KCNIP1: variants seen among roughly 807,000 people sequenced by gnomAD.
The protein encoded by KCNIP1 is potassium voltage-gated channel interacting protein 1, also known as A-type potassium channel modulatory protein KCNIP1.
KCNIP1 carries 18 observed loss-of-function variants against 33.0 expected under a neutral mutation model. The observed-to-expected ratio is 0.55, with a 90% confidence interval of 0.38 to 0.81. The LOEUF (loss-of-function observed/expected upper bound fraction) is 0.81, where lower values mean the gene tolerates loss of function less well. KCNIP1 is among the 30% of genes least tolerant of loss of function. The pLI is 0.00. For synonymous variants in KCNIP1, 93 were observed against 98.3 expected, an observed-to-expected ratio of 0.95 and a Z score of 0.32; for missense variants, 238 against 271.6, an observed-to-expected ratio of 0.88 and a Z score of 0.87.
intron 1 of KCNIP1, among the ~76,000 whole-genome samples, chr5:170,390,517 A>AAAAAAAAAAATATAT: frequency 6.7e-5 from 5 of 74,544 alleles, no homozygotes; most frequent in African/African-American, 3.2e-4. Flanking sequence ...AAAAAAAACA[A>AAAAAAAAAAATATAT]ATATATATAT....
intron 1 of KCNIP1, among the ~76,000 whole-genome samples, chr5:170,602,657 T>C (rs58112601): frequency 0.32 from 48,274 of 151,950 alleles, 8,692 homozygotes; most frequent in Non-Finnish European, 0.42. Context: ...GTGGCTTCCA[T>C]GAACCTAGGA....
Position 170,722,835 on chromosome 5 carries a change from G to T in KCNIP1, c.435+15G>T. ...TAAACAAAGAGGTAAGTGAGCTGGGGCCAGGGGTGTGAGAGGGCTCCAGTG... is the reference window on the plus strand; with the variant it reads ...TAAACAAAGAGGTAAGTGAGCTGGGTCCAGGGGTGTGAGAGGGCTCCAGTG... On this transcript the variant is annotated intron_variant, in intron 5 of 7. Transcript: ENST00000328939. 1 of 1,559,704 alleles carries T rather than the reference G, an allele frequency of 6.4e-7. No individual in the cohort carries two copies. The highest frequency in any genetic ancestry group is 8.8e-7 in the Non-Finnish European group (1 of 1,130,754).
chr5:170,501,309 A>C (rs1191588425), upstream of KCNIP1, among the ~76,000 whole-genome samples: 2 of 152,150 alleles, frequency 1.3e-5, no homozygotes, highest in African/African-American at 4.8e-5. Flanking sequence ...GGGGAACAGC[A>C]CGTGCAAAGG....
At chr5:170,720,614 C>T (rs1220476255) in intron 3 of KCNIP1, among the ~76,000 whole-genome samples, 1 of 152,194 alleles carries the variant, frequency 6.6e-6, no homozygotes, top group African/African-American at 2.4e-5. Context: ...GCTGATAATG[C>T]AACATCACAA....
chr5:170,560,335 A>G (rs1438498613), intron 1 of KCNIP1, among the ~76,000 whole-genome samples: 1 of 152,162 alleles, frequency 6.6e-6, no homozygotes, highest in Non-Finnish European at 1.5e-5. Context: ...GCATACATGC[A>G]TTGGGTCAGG....
At position 170,524,717 on chromosome 5, in the gene KCNIP1, T is replaced by C. The variant is rs535840972; in HGVS notation, c.61+20084T>C. 2.0e-5 allele frequency among the ~76,000 whole-genome samples: 3 copies of C among 152,212 alleles called. No individual in the cohort carries two copies. In the East Asian group the frequency reaches 5.8e-4, roughly 29 times the overall value. On this transcript the variant is annotated intron_variant, in intron 1 of 7. Coordinates refer to ENST00000328939, the MANE Select transcript of KCNIP1 (RefSeq NM_014592.4). ...GGGGCGGGAATTCAGTTTAAACTAG[T>C]TCATGCCTTCATTTTACAGAGGGAG...
At chr5:170,536,605 T>C (rs1755993553) in intron 1 of KCNIP1, among the ~76,000 whole-genome samples, 1 of 152,010 alleles carries the variant, frequency 6.6e-6, no homozygotes, top group South Asian at 2.1e-4. Flanking sequence ...TGGGCCAAGG[T>C]GGAGTGAGGG....
At chr5:170,700,105 C>A (rs73803526) in intron 1 of KCNIP1, among the ~76,000 whole-genome samples, 3 of 152,070 alleles carry the variant, frequency 2.0e-5, no homozygotes, top group African/African-American at 7.3e-5. Flanking sequence ...TCCAGACACA[C>A]CTGCCTCCTG....
At chr5:170,635,301 A>G (rs1760236720) in intron 1 of KCNIP1, among the ~76,000 whole-genome samples, 2 of 152,226 alleles carry the variant, frequency 1.3e-5, no homozygotes, top group African/African-American at 4.8e-5. Context: ...AAGTGTTGAG[A>G]TTACAGGAGT....
rs145816355 is a variant in KCNIP1 at position 170,579,747 on chromosome 5, A to T, written c.61+75114A>T. Reference sequence around the variant, plus strand: ...CTCCTTATCCCCAGCTCAGAGCTGGATTTGGCTCTTGCTTGGAGGCGGGAA... The same window carrying T: ...CTCCTTATCCCCAGCTCAGAGCTGGTTTTGGCTCTTGCTTGGAGGCGGGAA... On this transcript the variant is annotated intron_variant, in intron 1 of 7. Transcript: ENST00000328939. 2.0e-3 allele frequency among the ~76,000 whole-genome samples: 304 copies of T among 152,216 alleles called. 2 individuals carry two copies. The highest frequency in any genetic ancestry group is 6.9e-3 in the African/African-American group (288 of 41,538).
At chr5:170,729,401 A>T (rs1242747261) in intron 5 of KCNIP1, among the ~76,000 whole-genome samples, 1 of 152,106 alleles carries the variant, frequency 6.6e-6, no homozygotes, top group Non-Finnish European at 1.5e-5. Flanking sequence ...CAAAGGCAAG[A>T]GTCATATTCA....
Position 170,397,647 on chromosome 5 carries a change from A to G in KCNIP1, c.88+43683A>G, listed in dbSNP as rs115838030. 4.2e-3 allele frequency among the ~76,000 whole-genome samples: 633 copies of G among 152,338 alleles called. 5 individuals carry two copies. The highest frequency in any genetic ancestry group is 0.014 in the African/African-American group (575 of 41,578). ...CAGGTTCCATAAACAGTGCCTCATTAAATATTCTTTGCATAAAATAGGTTG... is the reference window on the plus strand; with the variant it reads ...CAGGTTCCATAAACAGTGCCTCATTGAATATTCTTTGCATAAAATAGGTTG... On this transcript the variant is annotated intron_variant, in intron 1 of 7. Coordinates refer to the KCNIP1 transcript ENST00000377360.
intron 1 of KCNIP1, among the ~76,000 whole-genome samples, chr5:170,507,007 A>G (rs1259379069): frequency 1.3e-5 from 2 of 152,242 alleles, no homozygotes; most frequent in Non-Finnish European, 2.9e-5. Flanking sequence ...TGGCCAGGTC[A>G]CTTTTCCCCA....
At chr5:170,635,326 G>A (rs1031847168) in intron 1 of KCNIP1, among the ~76,000 whole-genome samples, 3 of 152,130 alleles carry the variant, frequency 2.0e-5, no homozygotes, top group East Asian at 1.9e-4. Flanking sequence ...CATCACGCCC[G>A]GCCAAGAAGA....
chr5:170,536,280 T>C (rs1485033809), intron 1 of KCNIP1, among the ~76,000 whole-genome samples: 1 of 152,206 alleles, frequency 6.6e-6, no homozygotes, highest in African/African-American at 2.4e-5. Context: ...AGGTTTGCTG[T>C]CAATCCTTCC....
intron 1 of KCNIP1, among the ~76,000 whole-genome samples, chr5:170,365,538 G>T (rs1164686366): frequency 6.6e-6 from 1 of 152,184 alleles, no homozygotes. Context: ...GCTGGGAAAG[G>T]ATGGCGATGG....
At chr5:170,412,927 G>C (rs61506684) in intron 1 of KCNIP1, among the ~76,000 whole-genome samples, 1 of 151,996 alleles carries the variant, frequency 6.6e-6, no homozygotes, top group Non-Finnish European at 1.5e-5. Context: ...ACCCAGCCTC[G>C]TGACTATCTG....
At chr5:170,428,600 G>A (rs60095517) in intron 1 of KCNIP1, among the ~76,000 whole-genome samples, 7,836 of 152,160 alleles carry the variant, frequency 0.051, 291 homozygotes, top group East Asian at 0.16. Flanking sequence ...GCGGTTTCTG[G>A]GATTCTGTCT....
At chr5:170,623,760 C>T (rs1454037333) in intron 1 of KCNIP1, among the ~76,000 whole-genome samples, 2 of 152,184 alleles carry the variant, frequency 1.3e-5, no homozygotes, top group Admixed American at 6.5e-5. Context: ...TTCTGGTGGC[C>T]TGAAGACTAA....
Sources: gnomAD v4.1 joint callset for allele counts (sites outside exome capture counted in the v4.1 genomes callset) on GRCh38, gnomAD v4.1.1 for gene constraint, MANE v1.5 for transcripts, NCBI Gene and HGNC (gene_info 2026-07-23, HGNC 2026-07-21) for gene names.